The following KDM1B variants were observed in gnomAD, a reference collection of about 807,000 sequenced individuals.
KDM1B encodes the protein lysine-specific histone demethylase 2.
Under a neutral mutation model 107.4 loss-of-function variants are expected in KDM1B, and 63 were observed. The ratio of observed to expected loss-of-function variants is 0.59; its 90% CI spans 0.48 to 0.72. The LOEUF (loss-of-function observed/expected upper bound fraction) is 0.72, where lower values mean the gene tolerates loss of function less well. Among genes scored for constraint, KDM1B ranks in the 30% least tolerant of loss-of-function variants. The probability of loss-of-function intolerance (pLI) is 0.00; values close to 1 mark genes in which losing one functional copy is unlikely to be tolerated. For missense variants in KDM1B, 749 were observed against 1,020.8 expected (o/e 0.73, Z 3.63); for synonymous variants, 363 against 363.9 (o/e 1.00, Z 0.03).
chr6:18,209,765 G>C lies in KDM1B; in HGVS notation c.1866+1559G>C, dbSNP rs140687872. 2.0e-5 allele frequency among the ~76,000 whole-genome samples: 3 copies of C among 152,158 alleles called. No homozygotes were observed. The highest frequency in any genetic ancestry group is 2.1e-4 in the South Asian group (1 of 4,832). The stretch of plus-strand genomic sequence containing the variant: ...TGGGATTACAGGCATGCACCACCAT[G>C]CCCGGCTAGTCATGTTTTTAAAGCT... On this transcript the variant is annotated intron_variant, in intron 17 of 21. Transcript: ENST00000650836. This position sits in a 1 kb window ranked among gnomAD's most constrained non-coding sequence, Gnocchi z 4.3.
chr6:18,160,951 G>A lies in KDM1B; in HGVS notation c.88-376G>A, dbSNP rs548291199. 4.0e-5 allele frequency among the ~76,000 whole-genome samples: 6 copies of A among 150,930 alleles called. No individual in the cohort carries two copies. In the East Asian group the frequency reaches 1.2e-3, roughly 29 times the overall value. ...TTATTTTTAGTAGAGAGGAGGTCTC[G>A]GTATGTTGCCCAGGCTGGTCTTGGA... On this transcript the variant is annotated intron_variant, in intron 3 of 21. Coordinates refer to ENST00000650836, the MANE Select transcript of KDM1B (RefSeq NM_001364614.2).
rs1287806054 is a variant in KDM1B at position 18,159,087 on chromosome 6, C to T, written c.-13-796C>T. On this transcript the variant is annotated intron_variant, in intron 2 of 21. Coordinates refer to ENST00000650836, the MANE Select transcript of KDM1B (RefSeq NM_001364614.2). The surrounding 1 kb of genome is among the most constrained non-coding windows in gnomAD (Gnocchi z 4.5). Reference sequence around the variant, plus strand: ...GGTTCAGGCGATTCTCCTGCCCCAGCCTCCTGAGTAGCTGGAATTACAGGC... The same window carrying T: ...GGTTCAGGCGATTCTCCTGCCCCAGTCTCCTGAGTAGCTGGAATTACAGGC... Among the ~76,000 whole-genome samples the T allele has an allele frequency of 6.6e-6, 1 of 152,198 alleles. No homozygotes were observed.
At chr6:18,198,836 A>G (rs1295055304) in intron 12 of KDM1B, among the ~76,000 whole-genome samples, 1 of 151,134 alleles carries the variant, frequency 6.6e-6, no homozygotes, top group Non-Finnish European at 1.5e-5. Flanking sequence ...TAGGCAGGCT[A>G]GTCTTTAATG....
At chr6:18,164,646 A>G (rs1322062085) in intron 5 of KDM1B, among the ~76,000 whole-genome samples, 3 of 151,654 alleles carry the variant, frequency 2.0e-5, no homozygotes, top group Non-Finnish European at 2.9e-5. Context: ...GAGTCTTTGT[A>G]TTTAGAGTAG....
At chr6:18,165,580 T>C (rs1785244962) in intron 5 of KDM1B, among the ~76,000 whole-genome samples, 1 of 152,162 alleles carries the variant, frequency 6.6e-6, no homozygotes, top group Non-Finnish European at 1.5e-5. Flanking sequence ...CCCAGCACTT[T>C]GGAAGGTTGA....
At chr6:18,176,614 A>T (rs1786027047) in intron 7 of KDM1B, among the ~76,000 whole-genome samples, 1 of 152,088 alleles carries the variant, frequency 6.6e-6, no homozygotes. Flanking sequence ...CTTTTATTAC[A>T]TTGAGGTATG....
chr6:18,170,664 G>A (rs938854392), intron 6 of KDM1B, among the ~76,000 whole-genome samples: 15 of 150,964 alleles, frequency 9.9e-5, no homozygotes, highest in African/African-American at 3.7e-4. Flanking sequence ...ATTTTTTGTA[G>A]AGACAGGATG....
intron 5 of KDM1B, among the ~76,000 whole-genome samples, chr6:18,165,049 A>C (rs1425872910): frequency 1.3e-5 from 2 of 151,432 alleles, no homozygotes; most frequent in Non-Finnish European, 2.9e-5. Flanking sequence ...GATTGTTGAT[A>C]TAACTGGATT....
Position 18,197,295 on chromosome 6 carries a change from C to T in KDM1B, c.1146+62C>T. The T allele has an allele frequency of 7.0e-7, 1 of 1,434,050 alleles. No homozygotes were observed. Among genetic ancestry groups the T allele is most frequent in the Non-Finnish European group, 9.6e-7 (1 of 1,046,064 alleles). The allele number at this position is 1,434,050 out of a possible 1,614,324, so 88.8% of individuals were successfully genotyped here. A position where few individuals can be genotyped will look rare whatever the true frequency, so the allele number is the denominator to read the frequency against. On this transcript the variant is annotated intron_variant, in intron 11 of 21. Transcript: ENST00000650836. The surrounding 1 kb of genome is among the most constrained non-coding windows in gnomAD (Gnocchi z 4.5). ...GATCAGGACAAACGCTAGTCTGTTGCTGTTAATAAATATAGTAAAAGCCAC... is the reference window on the plus strand; with the variant it reads ...GATCAGGACAAACGCTAGTCTGTTGTTGTTAATAAATATAGTAAAAGCCAC...
Position 18,155,903 on chromosome 6 carries a change from T to G in KDM1B, c.-37T>G, listed in dbSNP as rs1415573096. 6.6e-6 allele frequency: 1 copy of G among 152,120 alleles called. No homozygotes were observed. Among genetic ancestry groups the G allele is most frequent in the Admixed American group, 6.6e-5 (1 of 15,262 alleles). The allele number at this position is 152,120 out of a possible 1,614,324, so 9.4% of individuals were successfully genotyped here. Reference sequence around the variant, plus strand: ...TACAGCGGTGCCTTTTCCCCGAGACTCCCGGCACCTCTTCAGCGCAAAGGT... The same window carrying G: ...TACAGCGGTGCCTTTTCCCCGAGACGCCCGGCACCTCTTCAGCGCAAAGGT... On this transcript the variant is annotated 5_prime_UTR_variant, in exon 2 of 22. Coordinates refer to ENST00000650836, the MANE Select transcript of KDM1B (RefSeq NM_001364614.2). The surrounding 1 kb of genome is among the most constrained non-coding windows in gnomAD (Gnocchi z 6.2).
intron 4 of KDM1B, 52 bp downstream of exon 4, chr6:18,161,506 T>C: frequency 6.3e-7 from 1 of 1,597,220 alleles, no homozygotes; most frequent in Non-Finnish European, 8.6e-7. Flanking sequence ...GAGAAGTTCT[T>C]TGTGGAAACA....
In KDM1B at chr6:18,203,527, G is replaced by A. The variant is rs1788176628; in HGVS notation, c.1531+1870G>A. On this transcript the variant is annotated intron_variant, in intron 14 of 21. Coordinates refer to ENST00000650836, the MANE Select transcript of KDM1B (RefSeq NM_001364614.2). This position sits in a 1 kb window ranked among gnomAD's most constrained non-coding sequence, Gnocchi z 5.5. The stretch of plus-strand genomic sequence containing the variant: ...CTAGATTTCATTTCAGAAAGCATGT[G>A]CACTAAAGCTGTTTTAAATATTATT... Among the ~76,000 whole-genome samples, 1 of 152,132 alleles carries A rather than the reference G, an allele frequency of 6.6e-6. No homozygotes were observed. Among genetic ancestry groups the A allele is most frequent in the South Asian group, 2.1e-4 (1 of 4,830 alleles).
chr6:18,201,438 T>C lies in KDM1B; in HGVS notation c.1360-48T>C, dbSNP rs1449703475. The C allele has an allele frequency of 2.9e-6, 4 of 1,394,502 alleles. No homozygotes were observed. The highest frequency in any genetic ancestry group is 3.9e-6 in the Non-Finnish European group (4 of 1,026,410). The allele number at this position is 1,394,502 out of a possible 1,614,324, so 86.4% of individuals were successfully genotyped here. ...ATTTTCAGCTTAGAACCTGTAAATA[T>C]TTTTTTCCAGGGAAAATTTTCACCT... On this transcript the variant is annotated intron_variant, in intron 13 of 21. Coordinates refer to ENST00000650836, the MANE Select transcript of KDM1B (RefSeq NM_001364614.2). The surrounding 1 kb of genome is among the most constrained non-coding windows in gnomAD (Gnocchi z 4.3).
At chr6:18,169,557 T>C (rs1785524062) in intron 6 of KDM1B, among the ~76,000 whole-genome samples, 1 of 152,188 alleles carries the variant, frequency 6.6e-6, no homozygotes, top group Non-Finnish European at 1.5e-5. Flanking sequence ...AAACCCTTAT[T>C]AGATCTATGA....
chr6:18,223,620 T>TTAAAG lies in KDM1B; in HGVS notation c.*1631_*1635dup, dbSNP rs1238171873. The TTAAAG allele has an allele frequency of 6.6e-6, 1 of 152,210 alleles. No individual in the cohort carries two copies. Among genetic ancestry groups the TTAAAG allele is most frequent in the African/African-American group, 2.4e-5 (1 of 41,456 alleles). The allele number at this position is 152,210 out of a possible 1,614,324, so 9.4% of individuals were successfully genotyped here. A position where few individuals can be genotyped will look rare whatever the true frequency, so the allele number is the denominator to read the frequency against. On this transcript the variant is annotated 3_prime_UTR_variant, in exon 22 of 22. Coordinates refer to ENST00000650836, the MANE Select transcript of KDM1B (RefSeq NM_001364614.2). ...TGCTACAAGTAGGGGAAAACCTACTTTAAAGTATGGTAAATGTGTGTTTTA... is the reference window on the plus strand; with the variant it reads ...TGCTACAAGTAGGGGAAAACCTACTTTAAAGTAAAGTATGGTAAATGTGTGTTTTA...
chr6:18,219,103 C>T (rs1257110494), intron 21 of KDM1B, among the ~76,000 whole-genome samples: 3 of 152,014 alleles, frequency 2.0e-5, no homozygotes, highest in Admixed American at 6.6e-5. Context: ...GGGGTTTCAC[C>T]GTGTTAGCCA....
At chr6:18,179,463 T>C (rs1017287752) in intron 7 of KDM1B, among the ~76,000 whole-genome samples, 2 of 152,160 alleles carry the variant, frequency 1.3e-5, no homozygotes, top group Non-Finnish European at 2.9e-5. Flanking sequence ...TATTACTTCT[T>C]TTTTTGTGTT....
intron 21 of KDM1B, among the ~76,000 whole-genome samples, chr6:18,220,353 A>AGCCTGGCCAACATGGTGAAACCC (rs1285313548): frequency 6.6e-6 from 1 of 152,178 alleles, no homozygotes; most frequent in Non-Finnish European, 1.5e-5. Flanking sequence ...GTTTGAGACC[A>AGCCTGGCCAACATGGTGAAACCC]GCCTGGCCAA....
intron 15 of KDM1B, among the ~76,000 whole-genome samples, chr6:18,206,845 C>G (rs1252445634): frequency 6.6e-6 from 1 of 152,150 alleles, no homozygotes; most frequent in Non-Finnish European, 1.5e-5. Flanking sequence ...CAAGTCTGGT[C>G]TGTTTACCTT....
Sources: gnomAD v4.1 joint callset for allele counts (sites outside exome capture counted in the v4.1 genomes callset) on GRCh38, gnomAD v4.1.1 for gene constraint, Gnocchi (gnomAD v3.1) non-coding constraint, MANE v1.5 for transcripts, NCBI Gene and HGNC (gene_info 2026-07-23, HGNC 2026-07-21) for gene names.